The following SMYD3 variants were observed in gnomAD, a reference collection of about 807,000 sequenced individuals.
SMYD3 encodes SET and MYND domain containing 3, also known as histone-lysine N-methyltransferase SMYD3.
A neutral mutation model predicts 57.7 loss-of-function variants in SMYD3; 36 were observed. That is an observed-to-expected ratio of 0.62 (90% CI 0.48 to 0.82). The LOEUF (loss-of-function observed/expected upper bound fraction) is 0.82, where lower values mean the gene tolerates loss of function less well. Ranked by LOEUF, SMYD3 falls within the 40% of genes least tolerant of loss-of-function variation. SMYD3 has a pLI of 0.00. For synonymous variants in SMYD3, 211 were observed against 195.0 expected (o/e 1.08, Z -0.68); for missense variants, 515 against 538.8 (o/e 0.96, Z 0.44).
chr1:245,995,208 TGTTA>T (rs2058901483), intron 5 of SMYD3, among the ~76,000 whole-genome samples: 2 of 152,336 alleles, frequency 1.3e-5, no homozygotes, highest in South Asian at 2.1e-4. Context: ...TTGTCATGCT[TGTTA>T]AAGTTACATA....
At chr1:246,049,462 A>C (rs893821743) in intron 5 of SMYD3, among the ~76,000 whole-genome samples, 1 of 122,646 alleles carries the variant, frequency 8.2e-6, no homozygotes. Context: ...ACGCCTGGCT[A>C]ATTTTTTTTT....
chr1:245,897,334 G>A (rs951889656), intron 8 of SMYD3, among the ~76,000 whole-genome samples: 6 of 152,148 alleles, frequency 3.9e-5, no homozygotes, highest in Non-Finnish European at 5.9e-5. Context: ...GAGCAAGAGA[G>A]GAAAGGGGTA....
intron 1 of SMYD3, among the ~76,000 whole-genome samples, chr1:246,480,957 C>T (rs749548503): frequency 2.5e-4 from 38 of 151,994 alleles, no homozygotes; most frequent in African/African-American, 8.7e-4. Context: ...TGCCACCACA[C>T]CCAGCTAATT....
intron 10 of SMYD3, among the ~76,000 whole-genome samples, chr1:245,785,982 G>A (rs565771065): frequency 6.6e-6 from 1 of 151,812 alleles, no homozygotes; most frequent in Non-Finnish European, 1.5e-5. Context: ...TGAGATTACA[G>A]GTGTGAGCCA....
intron 10 of SMYD3, among the ~76,000 whole-genome samples, chr1:245,817,072 G>A (rs1377988878): frequency 1.3e-5 from 2 of 151,464 alleles, no homozygotes; most frequent in Non-Finnish European, 2.9e-5. Flanking sequence ...GCCTGCCTCT[G>A]TAGGCTCCAC....
At chr1:246,243,699 C>A (rs943133307) in intron 5 of SMYD3, among the ~76,000 whole-genome samples, 1 of 151,812 alleles carries the variant, frequency 6.6e-6, no homozygotes, top group African/African-American at 2.4e-5. Flanking sequence ...GCCCATATAT[C>A]AAATGTTTTG....
chr1:245,949,566 T>C (rs1347944989), intron 5 of SMYD3, among the ~76,000 whole-genome samples: 3 of 152,164 alleles, frequency 2.0e-5, no homozygotes, highest in Non-Finnish European at 2.9e-5. Context: ...TCCCAGCACT[T>C]TGGGAGGCCA....
chr1:246,274,537 T>C (rs1446333511), intron 5 of SMYD3, among the ~76,000 whole-genome samples: 1 of 152,184 alleles, frequency 6.6e-6, no homozygotes, highest in African/African-American at 2.4e-5. Flanking sequence ...AATAGCTAAA[T>C]TATTATATAT....
At chr1:245,885,711 A>G (rs75177073) in intron 8 of SMYD3, among the ~76,000 whole-genome samples, 3 of 152,280 alleles carry the variant, frequency 2.0e-5, no homozygotes, top group East Asian at 3.9e-4. Flanking sequence ...GCCACTATAT[A>G]GTTATGGGGC....
At chr1:245,906,547 T>C (rs558828958) in intron 8 of SMYD3, among the ~76,000 whole-genome samples, 3 of 152,206 alleles carry the variant, frequency 2.0e-5, no homozygotes, top group Non-Finnish European at 4.4e-5. Context: ...TTGATGGGAA[T>C]GTAAATTAAT....
chr1:246,421,146 T>C (rs1417930915), intron 1 of SMYD3, among the ~76,000 whole-genome samples: 1 of 152,230 alleles, frequency 6.6e-6, no homozygotes, highest in Admixed American at 6.5e-5. Flanking sequence ...ATGTCTCATA[T>C]TGATGAAACA....
chr1:246,055,479 T>C (rs769723793), intron 5 of SMYD3, among the ~76,000 whole-genome samples: 1 of 152,296 alleles, frequency 6.6e-6, no homozygotes, highest in South Asian at 2.1e-4. Flanking sequence ...AATTACTATA[T>C]GATCCAGCAA....
rs962108750 is a variant in SMYD3 at position 245,950,383 on chromosome 1, G to A, written c.532-20446C>T. ...GGTTGCAGTGGTCCCTGTACCTATC[G>A]CCATGGTCCTGTGCTTTAACAAACA... On this transcript the variant is annotated intron_variant, in intron 5 of 11. Transcript: ENST00000490107. Among the ~76,000 whole-genome samples, 8 of 152,202 alleles carry A rather than the reference G, an allele frequency of 5.3e-5. No individual in the cohort carries two copies. The East Asian group carries it at 1.2e-3, about 22-fold the overall frequency.
chr1:245,970,170 C>A (rs1233911194), intron 5 of SMYD3, among the ~76,000 whole-genome samples: 1 of 152,194 alleles, frequency 6.6e-6, no homozygotes, highest in Non-Finnish European at 1.5e-5. Flanking sequence ...CATCTACAAC[C>A]ATCTGATCTT....
intron 5 of SMYD3, chr1:246,326,277 A>C (rs1294090388): frequency 1.8e-6 from 1 of 560,588 alleles, no homozygotes; most frequent in Non-Finnish European, 3.2e-6. Flanking sequence ...CAACATTAAA[A>C]CAAATGCAAA....
intron 1 of SMYD3, among the ~76,000 whole-genome samples, chr1:246,422,303 T>G (rs2067155299): frequency 6.6e-6 from 1 of 152,170 alleles, no homozygotes; most frequent in African/African-American, 2.4e-5. Flanking sequence ...ATATATATAT[T>G]ATAGTTGGAT....
intron 7 of SMYD3, among the ~76,000 whole-genome samples, chr1:245,926,622 A>T (rs1171465373): frequency 6.6e-6 from 1 of 152,250 alleles, no homozygotes; most frequent in Non-Finnish European, 1.5e-5. Flanking sequence ...AATGAAAAGC[A>T]ACCACGGGAG....
chr1:246,456,484 T>C (rs2067701369), intron 1 of SMYD3, among the ~76,000 whole-genome samples: 1 of 152,206 alleles, frequency 6.6e-6, no homozygotes, highest in African/African-American at 2.4e-5. Flanking sequence ...GCACCTCAAA[T>C]TTCCCATGTA....
chr1:245,844,974 G>T (rs1484001893), intron 10 of SMYD3, among the ~76,000 whole-genome samples: 2 of 152,134 alleles, frequency 1.3e-5, no homozygotes, highest in Non-Finnish European at 2.9e-5. Flanking sequence ...AATTTCTCCA[G>T]CCTATTATTG....
Sources: gnomAD v4.1 joint callset for allele counts (sites outside exome capture counted in the v4.1 genomes callset) on GRCh38, gnomAD v4.1.1 for gene constraint, MANE v1.5 for transcripts, NCBI Gene and HGNC (gene_info 2026-07-23, HGNC 2026-07-21) for gene names.